ZMIZ1: variants seen among roughly 807,000 people sequenced by gnomAD.
ZMIZ1 encodes zinc finger MIZ domain-containing protein 1.
A neutral mutation model predicts 113.9 loss-of-function variants in ZMIZ1; 17 were observed. The ratio of observed to expected loss-of-function variants is 0.15; its 90% CI spans 0.10 to 0.22. The LOEUF is 0.22. Ranked by LOEUF, ZMIZ1 falls within the 10% of genes least tolerant of loss-of-function variation. The pLI, the probability that ZMIZ1 is intolerant of heterozygous loss-of-function variation, is 1.00. For missense variants in ZMIZ1, 1,059 were observed against 1,477.8 expected (o/e 0.72, Z 4.65); for synonymous variants, 607 against 603.1 (o/e 1.01, Z -0.09).
chr10:79,177,017 C>A (rs551158362), intron 4 of ZMIZ1, among the ~76,000 whole-genome samples: 3 of 152,200 alleles, frequency 2.0e-5, no homozygotes, highest in Non-Finnish European at 4.4e-5. Context: ...CCACAAGAGG[C>A]CCCCTGGGTC....
chr10:79,274,528 G>A (rs1048111301), intron 7 of ZMIZ1, among the ~76,000 whole-genome samples: 19 of 152,202 alleles, frequency 1.2e-4, no homozygotes, highest in Admixed American at 1.2e-3. Flanking sequence ...GAATTCCCGG[G>A]TGTTGTCATT....
intron 7 of ZMIZ1, among the ~76,000 whole-genome samples, chr10:79,230,162 G>A (rs372080535): frequency 2.7e-5 from 4 of 146,986 alleles, no homozygotes; most frequent in Admixed American, 1.4e-4. Context: ...CTCTCTCCCC[G>A]CCCCCCTTTC....
intron 1 of ZMIZ1, among the ~76,000 whole-genome samples, chr10:79,078,345 C>T (rs1025028320): frequency 1.2e-4 from 19 of 152,126 alleles, no homozygotes; most frequent in Admixed American, 7.2e-4. Flanking sequence ...TCACTCACCC[C>T]TCCGAGCCTC....
intron 24 of ZMIZ1, among the ~76,000 whole-genome samples, chr10:79,311,805 G>A (rs1855188114): frequency 6.6e-6 from 1 of 152,068 alleles, no homozygotes; most frequent in Non-Finnish European, 1.5e-5. Flanking sequence ...CTGGATGATG[G>A]GGCTGGGCTG....
At chr10:79,086,104 C>T (rs968244320) in intron 1 of ZMIZ1, among the ~76,000 whole-genome samples, 4 of 152,178 alleles carry the variant, frequency 2.6e-5, no homozygotes, top group African/African-American at 9.6e-5. Flanking sequence ...ACTCCAGACC[C>T]CCAGGATGTA....
chr10:79,291,505 A>T (rs1197641221), intron 10 of ZMIZ1, among the ~76,000 whole-genome samples: 1 of 152,290 alleles, frequency 6.6e-6, no homozygotes, highest in Non-Finnish European at 1.5e-5. Context: ...GGATTGGGAA[A>T]GTCGAAGAGC....
intron 1 of ZMIZ1, among the ~76,000 whole-genome samples, chr10:79,103,270 G>A (rs373638985): frequency 9.9e-5 from 15 of 152,052 alleles, no homozygotes; most frequent in Admixed American, 7.2e-4. Flanking sequence ...CCAGCTGCAC[G>A]GGGCTCGAGG....
In ZMIZ1 at chr10:79,139,674, G is replaced by C. The variant is rs1419280750; in HGVS notation, c.-226-8G>C. ...CACACACGTCTCATCTCTCCCCTGT[G>C]TACCCAGGAGGAAGAGGAGGAGGCC... is the stretch of plus-strand genomic sequence containing the variant. On this transcript the variant is annotated splice_polypyrimidine_tract_variant and splice_region_variant and intron_variant, in intron 2 of 24. Transcript: ENST00000334512. The C allele has an allele frequency of 2.5e-6, 1 of 398,714 alleles. No homozygotes were observed. Among genetic ancestry groups the C allele is most frequent in the African/African-American group, 2.1e-5 (1 of 48,650 alleles). The allele number at this position is 398,714 out of a possible 1,614,324, so 24.7% of individuals were successfully genotyped here.
chr10:79,250,709 G>A (rs1163997508), intron 7 of ZMIZ1, among the ~76,000 whole-genome samples: 1 of 152,218 alleles, frequency 6.6e-6, no homozygotes, highest in Non-Finnish European at 1.5e-5. Flanking sequence ...GCCATGTTGA[G>A]GTGGCCCTTG....
intron 3 of ZMIZ1, among the ~76,000 whole-genome samples, chr10:79,152,126 A>G (rs556562619): frequency 3.9e-5 from 6 of 152,126 alleles, no homozygotes; most frequent in African/African-American, 1.2e-4. Flanking sequence ...CTCTGAGCCA[A>G]TTTCCCCCAT....
intron 4 of ZMIZ1, among the ~76,000 whole-genome samples, chr10:79,186,418 A>T (rs1055006942): frequency 1.3e-5 from 2 of 152,184 alleles, no homozygotes; most frequent in Admixed American, 6.5e-5. Context: ...TGTGCCTGCT[A>T]GAAGCCCTGG....
In ZMIZ1 at chr10:79,118,480, C is replaced by A. The variant is rs1018197927; in HGVS notation, c.-336-435C>A. Among the ~76,000 whole-genome samples, 3 of 152,166 alleles carry A rather than the reference C, an allele frequency of 2.0e-5. No homozygotes were observed. The highest frequency in any genetic ancestry group is 4.8e-5 in the African/African-American group (2 of 41,438). ...CTGGAGATGAACAAGCAAGGAGGGG[C>A]TGGTGAGAGAGGGCTCCACGGAAGC... On this transcript the variant is annotated intron_variant, in intron 1 of 24. Coordinates refer to ENST00000334512, the MANE Select transcript of ZMIZ1 (RefSeq NM_020338.4). The surrounding 1 kb of genome is among the most constrained non-coding windows in gnomAD (Gnocchi z 4.1).
intron 1 of ZMIZ1, among the ~76,000 whole-genome samples, chr10:79,075,559 GCA>G (rs1385561039): frequency 1.3e-5 from 1 of 77,862 alleles, no homozygotes. Flanking sequence ...GCACACAGCT[GCA>G]CACACATGCA....
intron 3 of ZMIZ1, among the ~76,000 whole-genome samples, chr10:79,152,401 G>GTAAC (rs1382480224): frequency 1.3e-5 from 2 of 152,212 alleles, no homozygotes; most frequent in South Asian, 2.1e-4. Context: ...TTGGAGGGTT[G>GTAAC]AGGTGGGAGG....
chr10:79,159,948 C>T (rs536281902), intron 3 of ZMIZ1, among the ~76,000 whole-genome samples: 5 of 152,328 alleles, frequency 3.3e-5, no homozygotes, highest in South Asian at 4.1e-4. Context: ...GATGGCCCGA[C>T]GCCGTTTCTC....
At chr10:79,192,532 C>G (rs1215122926) in intron 4 of ZMIZ1, among the ~76,000 whole-genome samples, 1 of 152,226 alleles carries the variant, frequency 6.6e-6, no homozygotes, top group East Asian at 1.9e-4. Context: ...AGCATCTGAA[C>G]TCTGGTGGGG....
At chr10:79,252,488 A>G (rs1282251221) in intron 7 of ZMIZ1, among the ~76,000 whole-genome samples, 1 of 151,922 alleles carries the variant, frequency 6.6e-6, no homozygotes, top group South Asian at 2.1e-4. Context: ...CCTAAATAGA[A>G]ACCAGCCTCT....
In ZMIZ1 at chr10:79,225,309, G is replaced by C. The variant is rs150255416; in HGVS notation, c.280+9035G>C. ...TTTTATATTGCTTCCTTAAATGGCA[G>C]ATCAGTCTCCCTTACCACATTCAGA... On this transcript the variant is annotated intron_variant, in intron 7 of 24. Coordinates refer to ENST00000334512, the MANE Select transcript of ZMIZ1 (RefSeq NM_020338.4). Among the ~76,000 whole-genome samples, 126 of 152,254 alleles carry C rather than the reference G, an allele frequency of 8.3e-4. 1 individual carries two copies. The highest frequency in any genetic ancestry group is 3.0e-3 in the African/African-American group (123 of 41,548).
chr10:79,299,586 G>A (rs566628778), intron 16 of ZMIZ1, among the ~76,000 whole-genome samples: 5 of 152,352 alleles, frequency 3.3e-5, no homozygotes, highest in South Asian at 4.1e-4. Context: ...GGGCCAGGCC[G>A]GGGTCAGGCA....
Sources: allele counts gnomAD v4.1 joint callset (sites outside exome capture counted in the v4.1 genomes callset), GRCh38; gene constraint gnomAD v4.1.1; non-coding constraint Gnocchi (gnomAD v3.1); transcripts MANE v1.5; gene names NCBI Gene and HGNC (gene_info 2026-07-23, HGNC 2026-07-21).